BMERB1: variants seen among roughly 807,000 people sequenced by gnomAD.
BMERB1 encodes bMERB domain containing 1, also known as bMERB domain-containing protein 1.
In BMERB1, 12 loss-of-function variants were observed where a neutral mutation model predicts 23.6. That is an observed-to-expected ratio of 0.51 (90% CI 0.33 to 0.82). The LOEUF (loss-of-function observed/expected upper bound fraction) is 0.82, where lower values mean the gene tolerates loss of function less well. Ranked by LOEUF, BMERB1 falls within the 40% of genes least tolerant of loss-of-function variation. The pLI is 0.03. For missense variants in BMERB1, 247 were observed against 255.4 expected (o/e 0.97, Z 0.22); for synonymous variants, 122 against 96.6 (o/e 1.26, Z -1.54).
intron 2 of BMERB1, among the ~76,000 whole-genome samples, chr16:15,532,535 T>C (rs1172179201): frequency 7.2e-6 from 1 of 139,420 alleles, no homozygotes; most frequent in East Asian, 2.1e-4. Context: ...GCCTTTTTTT[T>C]TTCTTTTTCT....
rs897915847 is a variant in BMERB1 at position 15,508,018 on chromosome 16, A to C, written c.107-7287A>C. 2.6e-5 allele frequency among the ~76,000 whole-genome samples: 4 copies of C among 152,190 alleles called. No individual in the cohort carries two copies. The East Asian group carries it at 7.7e-4, about 29-fold the overall frequency. On this transcript the variant is annotated intron_variant, in intron 1 of 5. Transcript: ENST00000300006. Reference sequence around the variant, plus strand: ...GATGATGGTACTTACGTAGGGAGGTAGTTCTTACATGAATATGGTTGATTA... The same window carrying C: ...GATGATGGTACTTACGTAGGGAGGTCGTTCTTACATGAATATGGTTGATTA...
intron 5 of BMERB1, 45 bp from the exon 6 acceptor site, chr16:15,586,672 T>G: frequency 6.7e-7 from 1 of 1,483,884 alleles, no homozygotes; most frequent in Non-Finnish European, 9.2e-7. Flanking sequence ...CCTCTCTCTC[T>G]CTGTTCCTTT....
intron 2 of BMERB1, 66 bp downstream of exon 2, chr16:15,515,494 G>A: frequency 1.3e-6 from 2 of 1,559,516 alleles, no homozygotes; most frequent in Non-Finnish European, 1.7e-6. Flanking sequence ...CCTAATATTT[G>A]TTGATCGTCT....
chr16:15,505,844 C>T (rs185548801), intron 1 of BMERB1, among the ~76,000 whole-genome samples: 18 of 149,134 alleles, frequency 1.2e-4, no homozygotes, highest in Admixed American at 5.4e-4. Context: ...GCCAAGATCA[C>T]GCCACTGCAC....
At chr16:15,566,506 A>G (rs1384538233) in intron 2 of BMERB1, among the ~76,000 whole-genome samples, 2 of 152,118 alleles carry the variant, frequency 1.3e-5, no homozygotes, top group Non-Finnish European at 2.9e-5. Context: ...AGATCACTGT[A>G]TAATCAGCTG....
At chr16:15,509,617 T>G (rs377744711) in intron 1 of BMERB1, among the ~76,000 whole-genome samples, 7 of 152,024 alleles carry the variant, frequency 4.6e-5, no homozygotes, top group African/African-American at 1.7e-4. Context: ...CGCCTAGCTG[T>G]TTTTTGCCAG....
chr16:15,576,430 A>G (rs537225542), intron 3 of BMERB1, among the ~76,000 whole-genome samples: 50 of 152,196 alleles, frequency 3.3e-4, no homozygotes, highest in South Asian at 1.2e-3. Context: ...CCCCTCTCTC[A>G]TTTCACAATT....
At position 15,517,443 on chromosome 16, in the gene BMERB1, G is replaced by A. The variant is rs142723675; in HGVS notation, c.230+2015G>A. Among the ~76,000 whole-genome samples the A allele has an allele frequency of 5.4e-3, 820 of 152,112 alleles. 3 individuals carry two copies. The highest frequency in any genetic ancestry group is 8.7e-3 in the Admixed American group (133 of 15,278). ...CAAGAATCATTTGAACCTGGGAGGC[G>A]GAGGCTACAGCGAGCTGAGATTATA... On this transcript the variant is annotated intron_variant, in intron 2 of 5. Coordinates refer to ENST00000300006, the MANE Select transcript of BMERB1 (RefSeq NM_033201.3).
chr16:15,449,831 C>G (rs577011918), intron 1 of BMERB1, among the ~76,000 whole-genome samples: 1 of 151,964 alleles, frequency 6.6e-6, no homozygotes, highest in Non-Finnish European at 1.5e-5. Context: ...CAGGCATGAA[C>G]CACTGCACCC....
At chr16:15,472,414 C>A (rs1269563615) in intron 1 of BMERB1, among the ~76,000 whole-genome samples, 1 of 152,184 alleles carries the variant, frequency 6.6e-6, no homozygotes, top group African/African-American at 2.4e-5. Flanking sequence ...ATCTTTGTTT[C>A]ATGCATCTTC....
intron 3 of BMERB1, among the ~76,000 whole-genome samples, chr16:15,574,438 T>C (rs892678998): frequency 2.0e-5 from 3 of 152,124 alleles, no homozygotes; most frequent in South Asian, 2.1e-4. Context: ...TTATCGTCTT[T>C]GTTTTAAATG....
intron 2 of BMERB1, among the ~76,000 whole-genome samples, chr16:15,519,977 CAT>C (rs908260951): frequency 2.6e-5 from 4 of 152,056 alleles, no homozygotes; most frequent in African/African-American, 7.2e-5. Context: ...ACCTTGGACA[CAT>C]GAGGGAGCAC....
At chr16:15,559,897 A>G (rs369254675) in intron 2 of BMERB1, among the ~76,000 whole-genome samples, 2 of 152,196 alleles carry the variant, frequency 1.3e-5, no homozygotes, top group East Asian at 3.8e-4. Flanking sequence ...GACCACACAT[A>G]AAATACACTT....
chr16:15,521,088 A>G (rs898439559), intron 2 of BMERB1, among the ~76,000 whole-genome samples: 1 of 151,992 alleles, frequency 6.6e-6, no homozygotes, highest in Non-Finnish European at 1.5e-5. Context: ...GTAAACTCCT[A>G]GTTTTAGTTG....
At chr16:15,530,163 C>T (rs1004082503) in intron 2 of BMERB1, among the ~76,000 whole-genome samples, 2 of 152,138 alleles carry the variant, frequency 1.3e-5, no homozygotes, top group Non-Finnish European at 2.9e-5. Context: ...GTGTCAAATC[C>T]CTCTGTTTTT....
intron 1 of BMERB1, among the ~76,000 whole-genome samples, chr16:15,475,704 G>T (rs904909265): frequency 3.3e-5 from 5 of 152,108 alleles, no homozygotes; most frequent in African/African-American, 1.2e-4. Flanking sequence ...CTTCCACTGG[G>T]TGGGGGATGG....
chr16:15,586,858 G>A lies in BMERB1; in HGVS notation c.*29G>A, dbSNP rs2031159219. 1 of 1,437,762 alleles carries A rather than the reference G, an allele frequency of 7.0e-7. No homozygotes were observed. The highest frequency in any genetic ancestry group is 9.5e-7 in the Non-Finnish European group (1 of 1,056,458). 89.1% of individuals were successfully genotyped at this position (1,437,762 alleles called of 1,614,324 possible). Reference sequence around the variant, plus strand: ...CCACGTGGGGTGCCCTGGGCCATGGGGACCCCCCCCCACCCTCTTGTCTTT... The same window carrying A: ...CCACGTGGGGTGCCCTGGGCCATGGAGACCCCCCCCCACCCTCTTGTCTTT... On this transcript the variant is annotated 3_prime_UTR_variant, in exon 6 of 6. Transcript: ENST00000300006.
intron 2 of BMERB1, among the ~76,000 whole-genome samples, chr16:15,532,277 G>C (rs2051975263): frequency 6.6e-6 from 1 of 151,992 alleles, no homozygotes. Flanking sequence ...TGTCACCTGG[G>C]CTGGAATGCA....
intron 1 of BMERB1, chr16:15,502,525 C>A: frequency 1.4e-6 from 1 of 716,492 alleles, no homozygotes; most frequent in Non-Finnish European, 2.5e-6. Context: ...CTTCCCATTA[C>A]ATTCACGTTA....
Sources: gnomAD v4.1 joint callset for allele counts (sites outside exome capture counted in the v4.1 genomes callset) on GRCh38, gnomAD v4.1.1 for gene constraint, MANE v1.5 for transcripts, NCBI Gene and HGNC (gene_info 2026-07-23, HGNC 2026-07-21) for gene names.